MIER2: variants seen among roughly 807,000 people sequenced by gnomAD.
The protein encoded by MIER2 is MIER family member 2.
Under a neutral mutation model 67.6 loss-of-function variants are expected in MIER2, and 30 were observed. The observed-to-expected ratio is 0.44, with a 90% confidence interval of 0.33 to 0.60. The LOEUF is 0.60. Ranked by LOEUF, MIER2 falls within the 20% of genes least tolerant of loss-of-function variation. The pLI is 0.02. For synonymous variants in MIER2, 372 were observed against 312.6 expected (o/e 1.19, Z -2.00); for missense variants, 702 against 745.1 (o/e 0.94, Z 0.67).
At position 307,321 on chromosome 19, in the gene MIER2, C is replaced by G; in HGVS notation, c.1414G>C (p.Val472Leu). The G allele has an allele frequency of 6.2e-7, 1 of 1,601,612 alleles. No homozygotes were observed. ...AGCTCCTTGGGCAGGGCGAAGTCCA[C>G]GGCCAGCCTTGGGCTGGCGTCTGGC... ...PEPDASPRLA[V>L]DFALPKELPL... The change falls in exon 13 of 14, where the codon GTG (valine) becomes CTG (leucine). Residue 472 changes from valine to leucine, a missense_variant. Around this residue, in one of 3 missense-constraint regions of MIER2, gnomAD observed 254 missense variants for 262.8 expected, o/e 0.97. Transcript: ENST00000264819.
chr19:306,786 C>G, intron 13 of MIER2, 75 bp from the exon 14 acceptor site: 4 of 1,547,646 alleles, frequency 2.6e-6, no homozygotes, highest in Non-Finnish European at 3.5e-6. Context: ...CAGTGCTGAG[C>G]GCTGGACTCG....
rs1410572747 is a variant in MIER2 at position 308,743 on chromosome 19, G to A, written c.1109+58C>T. 1.2e-5 allele frequency: 19 copies of A among 1,593,502 alleles called. No homozygotes were observed. In the Admixed American group the frequency reaches 1.7e-4, roughly 14 times the overall value. On this transcript the variant is annotated intron_variant, in intron 11 of 13. Coordinates refer to ENST00000264819, the MANE Select transcript of MIER2 (RefSeq NM_017550.3). This position sits in a 1 kb window ranked among gnomAD's most constrained non-coding sequence, Gnocchi z 9.1. ...CAAGAGGTGCCGCCCAGGCGCCCAC[G>A]TGCCCACCCCCGGCGGGGTGGCCGC...
At chr19:309,841 C>G (rs868087495) in intron 10 of MIER2, among the ~76,000 whole-genome samples, 1 of 105,080 alleles carries the variant, frequency 9.5e-6, no homozygotes, top group Non-Finnish European at 1.9e-5. Flanking sequence ...CACACACACA[C>G]GCACACAAGG....
Position 306,329 on chromosome 19 carries a change from G to A in MIER2, c.*361C>T, listed in dbSNP as rs112357940. 6,976 of 327,514 alleles carry A rather than the reference G, an allele frequency of 0.021. 426 individuals are homozygous for A. The highest frequency in any genetic ancestry group is 0.13 in the African/African-American group (6,193 of 46,082). The allele number at this position is 327,514 out of a possible 1,614,324, so 20.3% of individuals were successfully genotyped here. The stretch of plus-strand genomic sequence containing the variant: ...CCCGTCTCCCCGCCGGGGCAGTGAC[G>A]CCTTCCCTCGCCTCTGCTGGCTGGA... On this transcript the variant is annotated 3_prime_UTR_variant, in exon 14 of 14. Transcript: ENST00000264819.
chr19:339,079 CAAAAAA>C (rs572597641), intron 1 of MIER2, among the ~76,000 whole-genome samples: 2 of 74,630 alleles, frequency 2.7e-5, no homozygotes, highest in African/African-American at 4.0e-5. Flanking sequence ...CACAAGTGAC[CAAAAAA>C]AAAAAAAAAA....
intron 1 of MIER2, among the ~76,000 whole-genome samples, chr19:336,599 G>A (rs1307772596): frequency 6.6e-6 from 1 of 152,154 alleles, no homozygotes; most frequent in Admixed American, 6.5e-5. Context: ...ATGGGGGCTC[G>A]TGGGGGCCAG....
At position 344,319 on chromosome 19, in the gene MIER2, A is replaced by T; in HGVS notation, c.9+455T>A. 9.1e-6 allele frequency: 9 copies of T among 984,640 alleles called. No individual in the cohort carries two copies. The South Asian group carries it at 3.3e-4, about 36-fold the overall frequency. 61.0% of individuals were successfully genotyped at this position (984,640 alleles called of 1,614,324 possible). On this transcript the variant is annotated intron_variant, in intron 1 of 13. Transcript: ENST00000264819. ...GCGCGGTGGGTCCACCGGGATCCCG[A>T]TGGGGAGCGCGGGGCGCCTGGCGGC...
At chr19:342,994 CGT>C (rs1250867450) in intron 1 of MIER2, among the ~76,000 whole-genome samples, 4 of 152,160 alleles carry the variant, frequency 2.6e-5, no homozygotes, top group Admixed American at 6.5e-5. Context: ...AACCCACCCA[CGT>C]CTCTCTCTGA....
At chr19:321,771 G>A (rs922801320) in intron 7 of MIER2, among the ~76,000 whole-genome samples, 3 of 152,144 alleles carry the variant, frequency 2.0e-5, no homozygotes, top group African/African-American at 7.2e-5. Context: ...CTTGTAACCT[G>A]TAATAACTGA....
chr19:342,326 C>T (rs143980135), intron 1 of MIER2, among the ~76,000 whole-genome samples: 2 of 152,132 alleles, frequency 1.3e-5, no homozygotes, highest in East Asian at 3.9e-4. Flanking sequence ...TGTATGGTAC[C>T]GAGAAGAGAA....
intron 7 of MIER2, among the ~76,000 whole-genome samples, chr19:323,527 G>C (rs1971592692): frequency 6.7e-6 from 1 of 150,186 alleles, no homozygotes; most frequent in South Asian, 2.1e-4. Flanking sequence ...AAATGACACA[G>C]ACGTCATCAC....
intron 10 of MIER2, among the ~76,000 whole-genome samples, chr19:310,029 C>T (rs1033990179): frequency 1.4e-4 from 20 of 145,350 alleles, no homozygotes; most frequent in Admixed American, 6.4e-4. Flanking sequence ...TTCAGGGAGA[C>T]GAGAAGGGAC....
chr19:339,285 A>T (rs1233204145), intron 1 of MIER2, among the ~76,000 whole-genome samples: 1 of 152,228 alleles, frequency 6.6e-6, no homozygotes, highest in African/African-American at 2.4e-5. Context: ...ATTGAAAAAT[A>T]GGCAAAGGAT....
At chr19:341,524 T>G (rs1972501330) in intron 1 of MIER2, among the ~76,000 whole-genome samples, 1 of 151,990 alleles carries the variant, frequency 6.6e-6, no homozygotes, top group Admixed American at 6.6e-5. Context: ...CGACTCTGAG[T>G]TCCTGGAACT....
intron 13 of MIER2, 89 bp from the exon 14 acceptor site, chr19:306,800 C>A (rs1203789350): frequency 3.2e-6 from 5 of 1,540,952 alleles, no homozygotes; most frequent in African/African-American, 1.4e-5. Flanking sequence ...GGACTCGAGA[C>A]TCCCAGCCTT....
intron 7 of MIER2, among the ~76,000 whole-genome samples, chr19:317,559 T>TAAATA (rs985905579): frequency 3.4e-5 from 5 of 146,628 alleles, no homozygotes; most frequent in African/African-American, 7.6e-5. Flanking sequence ...AATAAATAAA[T>TAAATA]AAATAAAATA....
At chr19:339,729 C>T (rs529382305) in intron 1 of MIER2, among the ~76,000 whole-genome samples, 11 of 151,330 alleles carry the variant, frequency 7.3e-5, no homozygotes, top group Admixed American at 4.0e-4. Flanking sequence ...GGCCACGTGT[C>T]GTATGACTCA....
chr19:339,415 G>A (rs539144728), intron 1 of MIER2, among the ~76,000 whole-genome samples: 18 of 152,276 alleles, frequency 1.2e-4, no homozygotes, highest in Admixed American at 9.8e-4. Context: ...TTCCTAATCA[G>A]AGAATAAAAA....
In MIER2 at chr19:306,625, C is replaced by CA; in HGVS notation, c.*64dup. ...GTGGGGAAGGGGTCAGGAAGACTGA[C>CA]AGAGGCGGGCCCAGCGGCAGCGCTA... is the stretch of plus-strand genomic sequence containing the variant. On this transcript the variant is annotated 3_prime_UTR_variant, in exon 14 of 14. Transcript: ENST00000264819. 1 of 1,547,936 alleles carries CA rather than the reference C, an allele frequency of 6.5e-7. No individual in the cohort carries two copies. The highest frequency in any genetic ancestry group is 2.0e-5 in the Admixed American group (1 of 50,962).
Sources: gnomAD v4.1 joint callset for allele counts (sites outside exome capture counted in the v4.1 genomes callset) on GRCh38, gnomAD v4.1.1 for gene constraint, gnomAD v4.1.1 regional missense constraint, Gnocchi (gnomAD v3.1) non-coding constraint, MANE v1.5 for transcripts, NCBI Gene and HGNC (gene_info 2026-07-23, HGNC 2026-07-21) for gene names.